The following MLF1 variants were observed in gnomAD, a reference collection of about 807,000 sequenced individuals.
The protein encoded by MLF1 is myelodysplasia-myeloid leukemia factor 1.
Under a neutral mutation model 38.3 loss-of-function variants are expected in MLF1, and 37 were observed. The ratio of observed to expected loss-of-function variants is 0.96; its 90% CI spans 0.74 to 1.27. The LOEUF (loss-of-function observed/expected upper bound fraction) is 1.27, where lower values mean the gene tolerates loss of function less well. Ranked by LOEUF, MLF1 falls within the 50% of genes most tolerant of loss-of-function variation. The probability of loss-of-function intolerance (pLI) is 0.00; values close to 1 mark genes in which losing one functional copy is unlikely to be tolerated. For missense variants in MLF1, 331 were observed against 349.2 expected (o/e 0.95, Z 0.42); for synonymous variants, 95 against 106.5 (o/e 0.89, Z 0.66).
chr3:158,582,651 T>C (rs1716579076), intron 1 of MLF1: 2 of 406,126 alleles, frequency 4.9e-6, no homozygotes, highest in Non-Finnish European at 8.6e-6. Flanking sequence ...CTGACTTCTC[T>C]TCAGAGACCA....
chr3:158,574,650 C>T (rs554575058), intron 1 of MLF1, among the ~76,000 whole-genome samples: 2 of 148,722 alleles, frequency 1.3e-5, no homozygotes, highest in East Asian at 3.9e-4. Context: ...CGCCATTGCA[C>T]TCCAACCTGG....
chr3:158,573,179 A>G (rs1714816298), intron 1 of MLF1: 1 of 151,588 alleles, frequency 6.6e-6, no homozygotes, highest in African/African-American at 2.4e-5. Flanking sequence ...AGCATTTTCC[A>G]TGTGAGTGGG....
chr3:158,589,056 T>C (rs1477766108), intron 1 of MLF1: 1 of 357,626 alleles, frequency 2.8e-6, no homozygotes, highest in Non-Finnish European at 5.5e-6. Context: ...GCAGTGGAGA[T>C]TTTTCTCTGT....
intron 6 of MLF1, among the ~76,000 whole-genome samples, chr3:158,600,949 A>T (rs1227282757): frequency 3.3e-5 from 5 of 151,460 alleles, no homozygotes; most frequent in Admixed American, 6.6e-5. Flanking sequence ...ACAATTTATT[A>T]ACAAATTTAA....
intron 6 of MLF1, among the ~76,000 whole-genome samples, chr3:158,601,396 C>T (rs1251044925): frequency 1.3e-5 from 2 of 151,832 alleles, no homozygotes; most frequent in Non-Finnish European, 2.9e-5. Flanking sequence ...GGTGAAACCC[C>T]GTCTCTACTA....
chr3:158,600,222 C>CA, intron 6 of MLF1, 49 bp downstream of exon 6: 2 of 1,235,826 alleles, frequency 1.6e-6, no homozygotes, highest in Non-Finnish European at 2.1e-6. Flanking sequence ...TTTAAAATAA[C>CA]AGCCGTACTT....
At chr3:158,583,955 C>T (rs547638511) in intron 1 of MLF1, among the ~76,000 whole-genome samples, 1 of 152,168 alleles carries the variant, frequency 6.6e-6, no homozygotes, top group South Asian at 2.1e-4. Context: ...ACTTTATAAG[C>T]CCAGGATGAA....
chr3:158,588,871 C>G (rs1384568504), intron 1 of MLF1: 3 of 456,524 alleles, frequency 6.6e-6, no homozygotes, highest in Non-Finnish European at 1.3e-5. Context: ...TGGTCTTACT[C>G]TGCAGCAGCT....
chr3:158,603,571 C>T (rs897501332), intron 7 of MLF1, among the ~76,000 whole-genome samples: 1 of 152,182 alleles, frequency 6.6e-6, no homozygotes, highest in Non-Finnish European at 1.5e-5. Flanking sequence ...GACATGGTGG[C>T]TCATACCTGT....
At chr3:158,603,235 T>C (rs1188269871) in intron 7 of MLF1, among the ~76,000 whole-genome samples, 1 of 152,200 alleles carries the variant, frequency 6.6e-6, no homozygotes. Context: ...AGTGTAGTTA[T>C]TCTTGTAAAA....
At chr3:158,605,071 T>C (rs1439170666) in intron 7 of MLF1, 26 bp from the exon 8 acceptor site, 2 of 1,497,964 alleles carry the variant, frequency 1.3e-6, no homozygotes, top group Non-Finnish European at 1.8e-6. Context: ...TTAAATGATA[T>C]TAATATTCAC....
intron 1 of MLF1, among the ~76,000 whole-genome samples, chr3:158,587,791 G>A (rs1164578795): frequency 2.0e-5 from 3 of 152,192 alleles, no homozygotes; most frequent in Non-Finnish European, 4.4e-5. Flanking sequence ...ACGAGGTCAG[G>A]AAATCGAGAC....
intron 1 of MLF1, among the ~76,000 whole-genome samples, chr3:158,573,979 T>G (rs1302970751): frequency 6.6e-6 from 1 of 152,074 alleles, no homozygotes; most frequent in Non-Finnish European, 1.5e-5. Flanking sequence ...TAATTTTTTT[T>G]GTAGAGAGGA....
chr3:158,602,278 A>G (rs1425268270), intron 6 of MLF1, among the ~76,000 whole-genome samples: 1 of 152,214 alleles, frequency 6.6e-6, no homozygotes, highest in Non-Finnish European at 1.5e-5. Flanking sequence ...ATAATATTTT[A>G]AAGCAGTCTT....
chr3:158,577,691 CT>C (rs1226682651), intron 1 of MLF1, among the ~76,000 whole-genome samples: 2 of 152,150 alleles, frequency 1.3e-5, no homozygotes, highest in African/African-American at 4.8e-5. Flanking sequence ...TTGGGGCATT[CT>C]TTGGTTCATG....
chr3:158,571,418 A>G (rs748481576), intron 1 of MLF1, 71 bp downstream of exon 1: 1 of 1,593,440 alleles, frequency 6.3e-7, no homozygotes. Context: ...TTTTAAGGGA[A>G]AAGAGCGAGT....
intron 1 of MLF1, among the ~76,000 whole-genome samples, chr3:158,579,702 T>C (rs769622267): frequency 6.6e-6 from 1 of 152,228 alleles, no homozygotes; most frequent in South Asian, 2.1e-4. Context: ...AGAAAAGTAA[T>C]AGCTGTTTAG....
At chr3:158,604,879 G>A (rs1720312830) in intron 7 of MLF1, among the ~76,000 whole-genome samples, 1 of 152,056 alleles carries the variant, frequency 6.6e-6, no homozygotes, top group Admixed American at 6.6e-5. Flanking sequence ...GGATGGTCTC[G>A]ATCTCTTAAC....
intron 1 of MLF1, among the ~76,000 whole-genome samples, chr3:158,576,671 AT>A (rs11341425): frequency 0.34 from 44,841 of 132,456 alleles, 6,831 homozygotes; most frequent in African/African-American, 0.41. Flanking sequence ...GTCAACCTTA[AT>A]TTTTTTTTTT....
Sources: gnomAD v4.1 joint callset for allele counts (sites outside exome capture counted in the v4.1 genomes callset) on GRCh38, gnomAD v4.1.1 for gene constraint, MANE v1.5 for transcripts, NCBI Gene and HGNC (gene_info 2026-07-23, HGNC 2026-07-21) for gene names.